Variants in DAXX observed in about 807,000 individuals in gnomAD.
DAXX encodes death domain-associated protein 6.
In DAXX, 24 loss-of-function variants were observed where a neutral mutation model predicts 61.9. The observed-to-expected ratio is 0.39, with a 90% CI of 0.28 to 0.55. The LOEUF is 0.55. DAXX is among the 20% of genes least tolerant of loss of function. The probability of loss-of-function intolerance (pLI) is 0.69; values close to 1 mark genes in which losing one functional copy is unlikely to be tolerated. For missense variants in DAXX, 819 were observed against 935.3 expected, an observed-to-expected ratio of 0.88 and a Z score of 1.62; for synonymous variants, 357 against 369.5, an observed-to-expected ratio of 0.97 and a Z score of 0.39.
rs1386975123 is a variant in DAXX at position 33,318,999 on chromosome 6, T to A, written c.2161A>T (p.Lys721Ter). 6.2e-7 allele frequency: 1 copy of A among 1,612,002 alleles called. No individual in the cohort carries two copies. The highest frequency in any genetic ancestry group is 8.5e-7 in the Non-Finnish European group (1 of 1,179,162). The change falls in exon 7 of 8, where the codon AAG (lysine) becomes TAG (stop). Residue 721 changes from lysine (K) to a stop codon, truncating the protein, a stop_gained and splice_region_variant. Transcript: ENST00000374542. LOFTEE classifies it high-confidence loss of function. ...GAAACACGCCCTCCCCTTCTTACCT[T>A]GCAAGTACCAGGCCGAGGAGGCTGT... ...HSQPPRPGTC[K>*]TSVATQCDPE...
In DAXX at chr6:33,320,124, T is replaced by C. The variant is rs1169803412; in HGVS notation, c.1352A>G (p.Glu451Gly). The stretch of plus-strand genomic sequence containing the variant: ...TGTGGCCTCCTCCTCTTCTTCTTCC[T>C]CCTCCTCCTCCTCTTCCTCATCACT... ...EESDEEEEEE[E>G]EEEEEEATDS... is the part of the protein sequence containing the mutation. Residue 451 changes from glutamate to glycine, a missense_variant, in exon 5 of 8, where the codon GAG becomes GGG. Coordinates refer to ENST00000374542, the MANE Select transcript of DAXX (RefSeq NM_001141969.2). This position sits in a 1 kb window ranked among gnomAD's most constrained non-coding sequence, Gnocchi z 7.1. The C allele has an allele frequency of 6.2e-7, 1 of 1,613,634 alleles. No homozygotes were observed. The highest frequency in any genetic ancestry group is 8.5e-7 in the Non-Finnish European group (1 of 1,179,774).
At chr6:33,322,110 A>C in intron 1 of DAXX, 133 bp from the exon 2 acceptor site, 2 of 615,094 alleles carry the variant, frequency 3.3e-6, no homozygotes, top group Non-Finnish European at 2.8e-6. Flanking sequence ...CCTGATTTCA[A>C]TAACCATTAG....
In DAXX at chr6:33,320,787, G is replaced by A. The variant is rs1770491600; in HGVS notation, c.988C>T (p.Leu330Phe). 6.2e-7 allele frequency: 1 copy of A among 1,614,202 alleles called. No homozygotes were observed. Among genetic ancestry groups the A allele is most frequent in the Non-Finnish European group, 8.5e-7 (1 of 1,180,038 alleles). ...VGIRLQERRH[L>F]DLIYNFGCHL... ...CAGCCAAAGTTGTAGATGAGATCGA[G>A]GTGACGTCGCTCCTGTAACCTGATG... Residue 330 changes from leucine to phenylalanine, a missense_variant, in exon 3 of 8, where the codon CTC (leucine) becomes TTC (phenylalanine). Physicochemically the swap from Leu to Phe is conservative, Grantham distance 22. Coordinates refer to ENST00000374542, the MANE Select transcript of DAXX (RefSeq NM_001141969.2). The surrounding 1 kb of genome is among the most constrained non-coding windows in gnomAD (Gnocchi z 7.1).
In DAXX at chr6:33,321,768, G is replaced by C. The variant is rs1436067809; in HGVS notation, c.158C>G (p.Ser53Trp). The change falls in exon 2 of 8, where the codon TCG (serine) becomes TGG (tryptophan). Residue 53 changes from serine (S) to tryptophan (W), a missense_variant. Transcript: ENST00000374542. The surrounding 1 kb of genome is among the most constrained non-coding windows in gnomAD (Gnocchi z 7.2). The stretch of plus-strand genomic sequence containing the variant: ...CAGCTTGTAGCATTTCTTGCCGCCC[G>C]AACTACTGCTTCCTCTGGCCCCATG... ...EPHGARGSSS[S>W]GGKKCYKLEN... 6.2e-7 allele frequency: 1 copy of C among 1,613,276 alleles called. No homozygotes were observed. Among genetic ancestry groups the C allele is most frequent in the Non-Finnish European group, 8.5e-7 (1 of 1,179,712 alleles).
rs1267084909 is a variant in DAXX at position 33,318,782 on chromosome 6, G to A, written c.2184C>T (p.Cys728=). Residue 728 remains cysteine, a synonymous_variant, in exon 8 of 8, where the codon TGC becomes TGT. Transcript: ENST00000374542. ...GTCKTSVATQ[C]DPEEIIVLSD... The stretch of plus-strand genomic sequence containing the variant: ...AGAGCACGATGATCTCTTCTGGATC[G>A]CATTGTGTGGCCACACTTGTCTGCA... 4 of 1,554,486 alleles carry A rather than the reference G, an allele frequency of 2.6e-6. No individual in the cohort carries two copies. Among genetic ancestry groups the A allele is most frequent in the Admixed American group, 3.7e-5 (2 of 53,648 alleles).
At position 33,319,119 on chromosome 6, in the gene DAXX, C is replaced by A. The variant is rs768007918; in HGVS notation, c.2041G>T (p.Asp681Tyr). The A allele has an allele frequency of 6.2e-7, 1 of 1,614,166 alleles. No individual in the cohort carries two copies. The highest frequency in any genetic ancestry group is 1.7e-5 in the Admixed American group (1 of 60,020). The change falls in exon 7 of 8, where the codon GAT (aspartate) becomes TAT (tyrosine). Residue 681 changes from aspartate (D) to tyrosine (Y), a missense_variant. By Grantham distance (160) the Asp-to-Tyr change is radical (BLOSUM62 -3). Transcript: ENST00000374542. Reference protein sequence around the residue: ...SPLASLAPVADSSTRVDSPSH... With the variant: ...SPLASLAPVAYSSTRVDSPSH... ...GGAGAGTCCACCCTCGTGGAGGAAT[C>A]AGCAACTGGGGCCAAGGAAGCCAAG...
chr6:33,318,996 C>A lies in DAXX; in HGVS notation c.2163+1G>T. ...GAGGAAACACGCCCTCCCCTTCTTACCTTGCAAGTACCAGGCCGAGGAGGC... is the reference window on the plus strand; with the variant it reads ...GAGGAAACACGCCCTCCCCTTCTTAACTTGCAAGTACCAGGCCGAGGAGGC... On this transcript the variant is annotated splice_donor_variant, in intron 7 of 7. Coordinates refer to ENST00000374542, the MANE Select transcript of DAXX (RefSeq NM_001141969.2). LOFTEE classifies it high-confidence loss of function. 1 of 1,611,298 alleles carries A rather than the reference C, an allele frequency of 6.2e-7. No individual in the cohort carries two copies. The highest frequency in any genetic ancestry group is 8.5e-7 in the Non-Finnish European group (1 of 1,178,422).
chr6:33,319,374 T>C lies in DAXX; in HGVS notation c.1940+6A>G, dbSNP rs2150988182. On this transcript the variant is annotated splice_donor_region_variant and intron_variant, in intron 6 of 7. Transcript: ENST00000374542. ...GCTTCCCTCTTCCTCCTCCTCTTGT[T>C]ATTACCTGTTTCCTAATGGCCCTGA... 1.2e-6 allele frequency: 2 copies of C among 1,609,076 alleles called. No homozygotes were observed. The highest frequency in any genetic ancestry group is 1.7e-6 in the Non-Finnish European group (2 of 1,178,296).
chr6:33,322,758 A>G, intron 1 of DAXX, 104 bp downstream of exon 1: 4 of 434,800 alleles, frequency 9.2e-6, no homozygotes, highest in South Asian at 7.8e-5. Context: ...AGGGACAGGA[A>G]GGTACCACAG....
rs1286670888 is a variant in DAXX at position 33,320,313 on chromosome 6, C to T, written c.1251+67G>A. 7.0e-7 allele frequency: 1 copy of T among 1,435,328 alleles called. No individual in the cohort carries two copies. The highest frequency in any genetic ancestry group is 1.4e-5 in the African/African-American group (1 of 71,402). 88.9% of individuals were successfully genotyped at this position (1,435,328 alleles called of 1,614,324 possible). A position where few individuals can be genotyped will look rare whatever the true frequency, so the allele number is the denominator to read the frequency against. ...TTCTCATGCTCCCCCATCAGTCAAC[C>T]TGGACTCCCTGGTGGCCAGTGCAGG... On this transcript the variant is annotated intron_variant, in intron 4 of 7. Transcript: ENST00000374542. This position sits in a 1 kb window ranked among gnomAD's most constrained non-coding sequence, Gnocchi z 7.1.
At position 33,321,451 on chromosome 6, in the gene DAXX, G is replaced by C. The variant is rs1770603489; in HGVS notation, c.324C>G (p.Ile108Met). 6.2e-7 allele frequency: 1 copy of C among 1,614,034 alleles called. No individual in the cohort carries two copies. Among genetic ancestry groups the C allele is most frequent in the Non-Finnish European group, 8.5e-7 (1 of 1,179,916 alleles). The change falls in exon 3 of 8, where the codon ATC becomes ATG. Residue 108 changes from isoleucine (I) to methionine (M), a missense_variant. By Grantham distance (10) the Ile-to-Met change is conservative. Coordinates refer to ENST00000374542, the MANE Select transcript of DAXX (RefSeq NM_001141969.2). This position sits in a 1 kb window ranked among gnomAD's most constrained non-coding sequence, Gnocchi z 7.2. ...GGGCCCGAGACAGGACCCTAGAGAG[G>C]ATGTTGCAGAACTCCGCCGAGGCCA... ...LFLASAEFCN[I>M]LSRVLSRARS...
At chr6:33,318,840 G>A (rs780638536) in intron 7 of DAXX, 38 bp from the exon 8 acceptor site, 1 of 1,327,970 alleles carries the variant, frequency 7.5e-7, no homozygotes, top group East Asian at 2.3e-5. Flanking sequence ...AAAGAGATCT[G>A]GAGTACAGGA....
intron 5 of DAXX, 57 bp downstream of exon 5, chr6:33,319,954 T>C: frequency 1.9e-6 from 3 of 1,609,316 alleles, no homozygotes; most frequent in Non-Finnish European, 1.7e-6. Context: ...TTCAAACAGG[T>C]GGCTCATGCC....
Position 33,321,828 on chromosome 6 carries a change from G to A in DAXX, c.98C>T (p.Ser33Leu). ...GGAGCTAGGGGCTTCTGCCCCAGGT[G>A]AGGCCGCATTGGGGAGTGGGTGGGA... Reference protein sequence around the residue: ...GPSHPLPNAASPGAEAPSSSE... With the variant: ...GPSHPLPNAALPGAEAPSSSE... Residue 33 changes from serine to leucine, a missense_variant, in exon 2 of 8, where the codon TCA becomes TTA. Transcript: ENST00000374542. This position sits in a 1 kb window ranked among gnomAD's most constrained non-coding sequence, Gnocchi z 7.2. 6.2e-7 allele frequency: 1 copy of A among 1,612,096 alleles called. No individual in the cohort carries two copies. Among genetic ancestry groups the A allele is most frequent in the Non-Finnish European group, 8.5e-7 (1 of 1,178,632 alleles).
rs761962503 is a variant in DAXX, at chr6:33,320,065, G to C, written c.1411C>G (p.Gln471Glu). The change falls in exon 5 of 8, where the codon CAG becomes GAG. Residue 471 changes from glutamine (Q) to glutamate (E), a missense_variant. By Grantham distance (29) the Gln-to-Glu change is conservative (BLOSUM62 2). Transcript: ENST00000374542. The surrounding 1 kb of genome is among the most constrained non-coding windows in gnomAD (Gnocchi z 7.1). Reference protein sequence around the residue: ...SEEEEDLEQMQEGQEDDEEED... With the variant: ...SEEEEDLEQMEEGQEDDEEED... ...TCTTCATCATCCTCCTGACCCTCCTGCATCTGTTCCAGATCCTCCTCCTCT... is the reference window on the plus strand; with the variant it reads ...TCTTCATCATCCTCCTGACCCTCCTCCATCTGTTCCAGATCCTCCTCCTCT... The C allele has an allele frequency of 3.1e-6, 5 of 1,613,176 alleles. No individual in the cohort carries two copies. The highest frequency in any genetic ancestry group is 1.1e-5 in the South Asian group (1 of 91,002).
In DAXX at chr6:33,319,235, T is replaced by G; in HGVS notation, c.1941-16A>C. 1.9e-6 allele frequency: 3 copies of G among 1,584,324 alleles called. No individual in the cohort carries two copies. Among genetic ancestry groups the G allele is most frequent in the Non-Finnish European group, 2.6e-6 (3 of 1,162,086 alleles). ...TTCCACATAGCTAGAAACAGAAACA[T>G]AAATATGTGGAGGGGTACGGGAAGA... is the stretch of plus-strand genomic sequence containing the variant. On this transcript the variant is annotated splice_polypyrimidine_tract_variant and intron_variant, in intron 6 of 7. Transcript: ENST00000374542.
Position 33,321,706 on chromosome 6 carries a change from C to A in DAXX, c.207+13G>T, listed in dbSNP as rs752641282. Reference sequence around the variant, plus strand: ...CTCCCTGGGGTACAACAATCTTCCCCGCTAAAGCTCACCTCTTCGAACAGC... The same window carrying A: ...CTCCCTGGGGTACAACAATCTTCCCAGCTAAAGCTCACCTCTTCGAACAGC... On this transcript the variant is annotated intron_variant, in intron 2 of 7. Coordinates refer to ENST00000374542, the MANE Select transcript of DAXX (RefSeq NM_001141969.2). This position sits in a 1 kb window ranked among gnomAD's most constrained non-coding sequence, Gnocchi z 7.2. The A allele has an allele frequency of 4.3e-6, 7 of 1,612,582 alleles. No individual in the cohort carries two copies. Among genetic ancestry groups the A allele is most frequent in the Non-Finnish European group, 5.1e-6 (6 of 1,179,706 alleles).
In DAXX at chr6:33,321,185, A is replaced by AGC. The variant is rs1385559242; in HGVS notation, c.588_589dup (p.Leu197ArgfsTer33). ...CAGCCGCCGGATCTCTGCCACATAGAGCGCCAGCAGCTGCTCCAAACGCTG... is the reference window on the plus strand; with the variant it reads ...CAGCCGCCGGATCTCTGCCACATAGAGCGCGCCAGCAGCTGCTCCAAACGCTG... On this transcript the variant is annotated frameshift_variant, in exon 3 of 8. Coordinates refer to ENST00000374542, the MANE Select transcript of DAXX (RefSeq NM_001141969.2). LOFTEE classifies it high-confidence loss of function. This position sits in a 1 kb window ranked among gnomAD's most constrained non-coding sequence, Gnocchi z 7.2. The AGC allele has an allele frequency of 6.2e-7, 1 of 1,613,414 alleles. No homozygotes were observed.
At position 33,321,929 on chromosome 6, in the gene DAXX, G is replaced by A. The variant is rs2151000216; in HGVS notation, c.-4C>T. The A allele has an allele frequency of 1.2e-6, 2 of 1,603,152 alleles. No homozygotes were observed. The highest frequency in any genetic ancestry group is 2.2e-5 in the South Asian group (2 of 90,802). ...TGATGCTGTTAGCGGTGGCCATAGG[G>A]GATCAAATCCCCCGGAGGGAGGAAG... On this transcript the variant is annotated 5_prime_UTR_variant, in exon 2 of 8. Transcript: ENST00000374542. This position sits in a 1 kb window ranked among gnomAD's most constrained non-coding sequence, Gnocchi z 7.2.
Sources: allele counts gnomAD v4.1 joint callset, GRCh38; gene constraint gnomAD v4.1.1; non-coding constraint Gnocchi (gnomAD v3.1); transcripts MANE v1.5; gene names NCBI Gene and HGNC (gene_info 2026-07-23, HGNC 2026-07-21).